ANKRD11: variants seen among roughly 807,000 people sequenced by gnomAD.
ANKRD11 encodes the protein ankyrin repeat domain-containing protein 11.
In ANKRD11, 17 loss-of-function variants were observed where a neutral mutation model predicts 195.7. The observed-to-expected ratio is 0.09, with a 90% CI of 0.06 to 0.13. The LOEUF is 0.13. ANKRD11 is among the 10% of genes least tolerant of loss of function. The probability of loss-of-function intolerance (pLI) is 1.00; values close to 1 mark genes in which losing one functional copy is unlikely to be tolerated. For synonymous variants in ANKRD11, 1,953 were observed against 1,528.1 expected (o/e 1.28, Z -6.49); for missense variants, 3,735 against 3,566.1 (o/e 1.05, Z -1.21).
chr16:89,329,172 A>G (rs779833273), intron 2 of ANKRD11, among the ~76,000 whole-genome samples: 2 of 152,182 alleles, frequency 1.3e-5, no homozygotes, highest in Non-Finnish European at 2.9e-5. Flanking sequence ...CCTCGGGGAA[A>G]CAGGCGGGGA....
At chr16:89,286,893 G>C (rs1306794894) in intron 7 of ANKRD11, 2 of 1,289,052 alleles carry the variant, frequency 1.6e-6, no homozygotes, top group South Asian at 1.2e-5. Flanking sequence ...TCTGAGATTA[G>C]CGCATTCAAA....
intron 2 of ANKRD11, chr16:89,392,441 T>C (rs908753799): frequency 1.3e-5 from 2 of 152,136 alleles, no homozygotes; most frequent in Admixed American, 6.5e-5. Context: ...TTTTCTACAA[T>C]GGGTAAACGA....
At chr16:89,386,500 C>CA (rs1384278737) in intron 2 of ANKRD11, among the ~76,000 whole-genome samples, 1 of 152,162 alleles carries the variant, frequency 6.6e-6, no homozygotes, top group African/African-American at 2.4e-5. Flanking sequence ...CGGCACACAG[C>CA]ATGAGGGTGT....
chr16:89,482,059 G>C lies in ANKRD11; in HGVS notation c.-145+8186C>G, dbSNP rs544520561. ...GTCAACTAAATGCATCTTTCTCCCA[G>C]ATCTCAGAACAGGAGGCCACAGCAC... On this transcript the variant is annotated intron_variant, in intron 1 of 12. Coordinates refer to ENST00000301030, the MANE Select transcript of ANKRD11 (RefSeq NM_013275.6). Among the ~76,000 whole-genome samples, 28 of 152,170 alleles carry C rather than the reference G, an allele frequency of 1.8e-4. 1 individual carries two copies. The South Asian group carries it at 5.0e-3, about 27-fold the overall frequency.
chr16:89,381,788 C>T (rs1295133376), intron 2 of ANKRD11, among the ~76,000 whole-genome samples: 1 of 152,170 alleles, frequency 6.6e-6, no homozygotes, highest in Non-Finnish European at 1.5e-5. Context: ...AACAAGTGTT[C>T]CCCGAGCACA....
intron 3 of ANKRD11, among the ~76,000 whole-genome samples, chr16:89,315,655 T>C (rs1270414631): frequency 2.0e-5 from 3 of 152,066 alleles, no homozygotes; most frequent in Non-Finnish European, 4.4e-5. Context: ...CACGAGGAGC[T>C]TGGGACAGAG....
intron 2 of ANKRD11, among the ~76,000 whole-genome samples, chr16:89,401,599 T>C (rs1019864821): frequency 1.3e-5 from 2 of 152,182 alleles, no homozygotes; most frequent in African/African-American, 4.8e-5. Context: ...TTACTGGTGT[T>C]ATGAGTTGAA....
chr16:89,447,082 A>C (rs1045168996), intron 1 of ANKRD11, among the ~76,000 whole-genome samples: 4 of 152,018 alleles, frequency 2.6e-5, no homozygotes, highest in African/African-American at 7.3e-5. Flanking sequence ...CATGAAAGCC[A>C]CCGAGCACGT....
intron 1 of ANKRD11, among the ~76,000 whole-genome samples, chr16:89,436,850 GC>G (rs1405515583): frequency 6.6e-6 from 1 of 152,222 alleles, no homozygotes; most frequent in African/African-American, 2.4e-5. Flanking sequence ...CAATGGTATT[GC>G]CGAAGCTTTG....
intron 1 of ANKRD11, among the ~76,000 whole-genome samples, chr16:89,444,681 C>G (rs1375509597): frequency 5.9e-5 from 9 of 152,178 alleles, no homozygotes; most frequent in Non-Finnish European, 1.3e-4. Context: ...CATAGTGGCT[C>G]ACGCTTGTAA....
chr16:89,307,913 TTTCTACCAAACATGTGAAGG>T (rs1189547763), intron 3 of ANKRD11, among the ~76,000 whole-genome samples: 5 of 149,910 alleles, frequency 3.3e-5, no homozygotes, highest in South Asian at 4.3e-4. Flanking sequence ...TGAGGGAAAG[TTTCTACCAAACATGTGAAGG>T]TTCTACCAAA....
In ANKRD11 at chr16:89,282,519, A is replaced by G. The variant is rs760352358; in HGVS notation, c.4023T>C (p.Pro1341=). The G allele has an allele frequency of 4.3e-6, 7 of 1,613,684 alleles. No individual in the cohort carries two copies. In the East Asian group the frequency reaches 1.6e-4, roughly 36 times the overall value. ...GCCTCTCCTTCTCTTTCAGCTTCTC[A>G]GGGAGGCAGGCGCTCTCCCTCGGCT... ...DDKPRESACL[P]EKLKEKERHR... The change falls in exon 9 of 13, where the codon CCT becomes CCC. Residue 1341 remains proline, a synonymous_variant. Coordinates refer to ENST00000301030, the MANE Select transcript of ANKRD11 (RefSeq NM_013275.6).
intron 3 of ANKRD11, among the ~76,000 whole-genome samples, chr16:89,310,910 C>T (rs1341488675): frequency 1.3e-5 from 2 of 152,154 alleles, no homozygotes; most frequent in Non-Finnish European, 2.9e-5. Context: ...TTCGTGCTGC[C>T]TGGAGTCTGC....
chr16:89,415,853 A>AAAAAAAAAAAAAAAAAAAAAAAAAAT (rs2042286310), intron 2 of ANKRD11, among the ~76,000 whole-genome samples: 1 of 147,858 alleles, frequency 6.8e-6, no homozygotes. Context: ...AAAAAAAACA[A>AAAAAAAAAAAAAAAAAAAAAAAAAAT]TGGAGAACCA....
chr16:89,289,109 C>A (rs2034854418), intron 6 of ANKRD11: 1 of 265,016 alleles, frequency 3.8e-6, no homozygotes, highest in South Asian at 4.0e-5. Flanking sequence ...AGCAGGAGCT[C>A]CAGGGGCGCC....
intron 2 of ANKRD11, among the ~76,000 whole-genome samples, chr16:89,397,972 T>C (rs1306435138): frequency 6.6e-6 from 1 of 152,220 alleles, no homozygotes; most frequent in East Asian, 1.9e-4. Context: ...CGGTGCAATA[T>C]TCACCCACCA....
chr16:89,465,435 C>T (rs994532087), intron 1 of ANKRD11, among the ~76,000 whole-genome samples: 3 of 152,182 alleles, frequency 2.0e-5, no homozygotes, highest in Non-Finnish European at 2.9e-5. Context: ...GAGGCCACGA[C>T]AGAGAACAGG....
chr16:89,391,649 A>G (rs936590053), intron 2 of ANKRD11, among the ~76,000 whole-genome samples: 6 of 152,352 alleles, frequency 3.9e-5, no homozygotes, highest in Middle Eastern at 3.4e-3. Context: ...ACACAAAACC[A>G]CAAACTCAGT....
chr16:89,308,617 C>T (rs1044234542), intron 3 of ANKRD11, among the ~76,000 whole-genome samples: 5 of 152,200 alleles, frequency 3.3e-5, no homozygotes, highest in Admixed American at 6.5e-5. Flanking sequence ...CCCCAGCAAA[C>T]GCCCGGGAGG....
Sources: allele counts gnomAD v4.1 joint callset (sites outside exome capture counted in the v4.1 genomes callset), GRCh38; gene constraint gnomAD v4.1.1; transcripts MANE v1.5; gene names NCBI Gene and HGNC (gene_info 2026-07-23, HGNC 2026-07-21).